Variants in SH3RF1 observed in about 807,000 individuals in gnomAD.
The protein encoded by SH3RF1 is SH3 domain containing ring finger 1, also known as E3 ubiquitin-protein ligase SH3RF1.
A neutral mutation model predicts 74.0 loss-of-function variants in SH3RF1; 32 were observed. The ratio of observed to expected loss-of-function variants is 0.43; its 90% confidence interval spans 0.33 to 0.58. The LOEUF (loss-of-function observed/expected upper bound fraction) is 0.58. SH3RF1 is among the 20% of genes least tolerant of loss of function. SH3RF1 has a pLI of 0.05. For synonymous variants in SH3RF1, 396 were observed against 439.6 expected, an observed-to-expected ratio of 0.90 and a Z score of 1.24; for missense variants, 954 against 1,130.9, an observed-to-expected ratio of 0.84 and a Z score of 2.24.
chr4:169,241,741 A>G (rs1252549202), intron 2 of SH3RF1, among the ~76,000 whole-genome samples: 2 of 152,228 alleles, frequency 1.3e-5, no homozygotes, highest in African/African-American at 4.8e-5. Flanking sequence ...TGTGGGCAGA[A>G]CTTGACCTTG....
rs532690584 is a variant in SH3RF1, at chr4:169,114,866, A to G, written c.2139+1403T>C. On this transcript the variant is annotated intron_variant, in intron 10 of 11. Transcript: ENST00000284637. ...TTTACAGGCTCCCTTAACCATTTAA[A>G]TAGAACGACATACATTACCACTTAA... is the stretch of plus-strand genomic sequence containing the variant. Among the ~76,000 whole-genome samples the G allele has an allele frequency of 1.7e-3, 261 of 152,330 alleles. 1 individual carries two copies. Among genetic ancestry groups the G allele is most frequent in the African/African-American group, 5.9e-3 (245 of 41,578 alleles).
At chr4:169,228,110 T>C (rs1052265469) in intron 2 of SH3RF1, among the ~76,000 whole-genome samples, 5 of 152,210 alleles carry the variant, frequency 3.3e-5, no homozygotes, top group Non-Finnish European at 7.3e-5. Context: ...CAGACCATCA[T>C]TGAATAGAAT....
chr4:169,157,690 CTTTA>C (rs909281390), intron 2 of SH3RF1, among the ~76,000 whole-genome samples: 1 of 151,716 alleles, frequency 6.6e-6, no homozygotes, highest in Non-Finnish European at 1.5e-5. Flanking sequence ...CTTTTGGAGT[CTTTA>C]TTTATTTATT....
rs58705991 is a variant in SH3RF1 at position 169,255,101 on chromosome 4, G to C, written c.393+13719C>G. Among the ~76,000 whole-genome samples, 913 of 152,260 alleles carry C rather than the reference G, an allele frequency of 6.0e-3. 15 individuals carry two copies. The highest frequency in any genetic ancestry group is 0.021 in the African/African-American group (882 of 41,554). Reference sequence around the variant, plus strand: ...GATGGTAAGGCACTGGAATAAGTTTGTATCAACAAGCTTTTGAAATGTCCT... The same window carrying C: ...GATGGTAAGGCACTGGAATAAGTTTCTATCAACAAGCTTTTGAAATGTCCT... On this transcript the variant is annotated intron_variant, in intron 2 of 11. Transcript: ENST00000284637.
At chr4:169,256,741 T>C (rs1731199598) in intron 2 of SH3RF1, among the ~76,000 whole-genome samples, 1 of 151,862 alleles carries the variant, frequency 6.6e-6, no homozygotes, top group African/African-American at 2.4e-5. Context: ...GGACTACAGG[T>C]GCATGCCACC....
At chr4:169,193,120 T>C (rs973147192) in intron 2 of SH3RF1, among the ~76,000 whole-genome samples, 2 of 151,888 alleles carry the variant, frequency 1.3e-5, no homozygotes, top group East Asian at 1.9e-4. Context: ...ACAATGGACT[T>C]TGGGGACTCA....
chr4:169,201,984 A>G (rs552514694), intron 2 of SH3RF1: 1 of 152,300 alleles, frequency 6.6e-6, no homozygotes, highest in African/African-American at 2.4e-5. Flanking sequence ...GAGTCTTTGG[A>G]CACAGTATCT....
intron 2 of SH3RF1, among the ~76,000 whole-genome samples, chr4:169,231,499 G>A (rs1259138496): frequency 1.3e-5 from 2 of 152,146 alleles, no homozygotes; most frequent in East Asian, 3.8e-4. Context: ...CCAGGAGGCA[G>A]AGGTTGCAGT....
intron 2 of SH3RF1, among the ~76,000 whole-genome samples, chr4:169,258,313 T>C (rs1731222920): frequency 6.6e-6 from 1 of 152,206 alleles, no homozygotes; most frequent in Non-Finnish European, 1.5e-5. Context: ...TGAACTTTCT[T>C]GGAACAGCTG....
intron 11 of SH3RF1, among the ~76,000 whole-genome samples, chr4:169,102,396 T>G (rs566982477): frequency 0.046 from 6,864 of 150,614 alleles, 236 homozygotes; most frequent in South Asian, 0.13. Flanking sequence ...CATACATAGA[T>G]TTTTTTTTTT....
At chr4:169,224,009 C>T (rs1476214793) in intron 2 of SH3RF1, among the ~76,000 whole-genome samples, 1 of 152,220 alleles carries the variant, frequency 6.6e-6, no homozygotes, top group African/African-American at 2.4e-5. Context: ...GAATGTTTCT[C>T]CTTAAAGGCA....
chr4:169,144,847 TA>T (rs1733846986), intron 4 of SH3RF1, among the ~76,000 whole-genome samples: 1 of 151,872 alleles, frequency 6.6e-6, no homozygotes, highest in African/African-American at 2.4e-5. Context: ...AAGTCAAGCA[TA>T]AAAGTCATGG....
At chr4:169,219,353 C>G (rs1730524678) in intron 2 of SH3RF1, among the ~76,000 whole-genome samples, 1 of 152,102 alleles carries the variant, frequency 6.6e-6, no homozygotes, top group Non-Finnish European at 1.5e-5. Context: ...ATAAAAATTA[C>G]AGAAATTTAA....
intron 2 of SH3RF1, among the ~76,000 whole-genome samples, chr4:169,167,606 C>A (rs1450173231): frequency 6.6e-6 from 1 of 151,918 alleles, no homozygotes; most frequent in South Asian, 2.1e-4. Flanking sequence ...ATTACTGACA[C>A]ATGTGAGTAA....
chr4:169,222,368 C>T (rs540556449), intron 2 of SH3RF1, among the ~76,000 whole-genome samples: 59 of 151,836 alleles, frequency 3.9e-4, no homozygotes, highest in Non-Finnish European at 7.2e-4. Flanking sequence ...GGGAGGCTGA[C>T]GCAGGAGAAC....
intron 4 of SH3RF1, among the ~76,000 whole-genome samples, chr4:169,153,429 A>G (rs1283225815): frequency 6.6e-6 from 1 of 152,162 alleles, no homozygotes; most frequent in Non-Finnish European, 1.5e-5. Context: ...TTATACTGGG[A>G]TTGTCTGGCC....
intron 2 of SH3RF1, among the ~76,000 whole-genome samples, chr4:169,244,821 A>G (rs1261921352): frequency 6.6e-6 from 1 of 152,194 alleles, no homozygotes; most frequent in Non-Finnish European, 1.5e-5. Flanking sequence ...TAATCTTTAG[A>G]TTGTACTATT....
At chr4:169,256,935 G>A (rs1731202094) in intron 2 of SH3RF1, among the ~76,000 whole-genome samples, 1 of 152,072 alleles carries the variant, frequency 6.6e-6, no homozygotes, top group African/African-American at 2.4e-5. Context: ...CTGTGATATG[G>A]TATTAAAAGT....
chr4:169,182,399 T>C (rs1734525548), intron 2 of SH3RF1, among the ~76,000 whole-genome samples: 1 of 152,226 alleles, frequency 6.6e-6, no homozygotes, highest in Admixed American at 6.5e-5. Flanking sequence ...AGCACATATA[T>C]AATTAAGAAT....
Sources: allele counts gnomAD v4.1 joint callset (sites outside exome capture counted in the v4.1 genomes callset), GRCh38; gene constraint gnomAD v4.1.1; transcripts MANE v1.5; gene names NCBI Gene and HGNC (gene_info 2026-07-23, HGNC 2026-07-21).